Variants in PHLDB2 observed in about 807,000 individuals in gnomAD.
PHLDB2 encodes pleckstrin homology-like domain family B member 2.
A neutral mutation model predicts 123.6 loss-of-function variants in PHLDB2; 71 were observed. The ratio of observed to expected loss-of-function variants is 0.57; its 90% CI spans 0.47 to 0.70. PHLDB2 has a LOEUF of 0.70. PHLDB2 is among the 30% of genes least tolerant of loss of function. PHLDB2 has a pLI of 0.00. For synonymous variants in PHLDB2, 547 were observed against 541.6 expected (o/e 1.01, Z -0.14); for missense variants, 1,446 against 1,519.5 (o/e 0.95, Z 0.80).
intron 1 of PHLDB2, chr3:111,845,800 C>G: frequency 6.2e-7 from 1 of 1,612,112 alleles, no homozygotes; most frequent in South Asian, 1.1e-5. Flanking sequence ...CATGGTACCT[C>G]TCTTTTCTTG....
chr3:111,803,623 G>A (rs1198104572), intron 1 of PHLDB2, among the ~76,000 whole-genome samples: 2 of 152,148 alleles, frequency 1.3e-5, no homozygotes, highest in African/African-American at 4.8e-5. Context: ...ATGAGTGGGA[G>A]GAAATCATGG....
At chr3:111,806,212 G>A (rs1267761997) in intron 1 of PHLDB2, among the ~76,000 whole-genome samples, 1 of 152,056 alleles carries the variant, frequency 6.6e-6, no homozygotes, top group African/African-American at 2.4e-5. Context: ...CATTGTAAGT[G>A]TACAATTATA....
At chr3:111,879,705 A>G (rs1338781073) in intron 1 of PHLDB2, among the ~76,000 whole-genome samples, 1 of 152,142 alleles carries the variant, frequency 6.6e-6, no homozygotes, top group African/African-American at 2.4e-5. Context: ...TATGGGACCA[A>G]TCCTTCTTCA....
intron 1 of PHLDB2, among the ~76,000 whole-genome samples, chr3:111,795,977 A>T (rs1049460469): frequency 6.6e-6 from 1 of 151,854 alleles, no homozygotes; most frequent in African/African-American, 2.4e-5. Flanking sequence ...GCTGACTGCA[A>T]CCTCCGCCCT....
At chr3:111,825,052 A>T (rs2062590072) in intron 1 of PHLDB2, among the ~76,000 whole-genome samples, 1 of 152,238 alleles carries the variant, frequency 6.6e-6, no homozygotes, top group Non-Finnish European at 1.5e-5. Flanking sequence ...TTTCATGGTA[A>T]ACCCCTGAGA....
chr3:111,799,866 C>A (rs1307809969), intron 1 of PHLDB2, among the ~76,000 whole-genome samples: 1 of 151,924 alleles, frequency 6.6e-6, no homozygotes, highest in Non-Finnish European at 1.5e-5. Context: ...CTATAGATAC[C>A]AATATGGGAG....
At chr3:111,956,975 TAA>T (rs1378565953) in intron 12 of PHLDB2, 1 of 152,224 alleles carries the variant, frequency 6.6e-6, no homozygotes, top group African/African-American at 2.4e-5. Context: ...ACAATTAACT[TAA>T]ATACACCTTT....
rs151070436 is a variant in PHLDB2 at position 111,800,896 on chromosome 3, C to T, written c.-48-44925C>T. Among the ~76,000 whole-genome samples the T allele has an allele frequency of 4.6e-4, 70 of 152,158 alleles. 1 individual carries two copies. The East Asian group carries it at 0.013, about 29-fold the overall frequency. ...CAAGGAAGATTTCTAAGAAGTTATG[C>T]CAATTAAGATAAATCTTGAAAAGAT... On this transcript the variant is annotated intron_variant, in intron 1 of 17. Transcript: ENST00000393923.
rs1559858201 is a variant in PHLDB2, at chr3:111,834,213, TAGAATTATATA to T, written c.-48-11607_-48-11597del. ...ATATGTAATAGAATTATATATGTAA[TAGAATTATATA>T]TATATTATGTATATAATAGAATTAT... On this transcript the variant is annotated intron_variant, in intron 1 of 17. Coordinates refer to the PHLDB2 transcript ENST00000393923. Among the ~76,000 whole-genome samples, 377 of 40,502 alleles carry T rather than the reference TAGAATTATATA, an allele frequency of 9.3e-3. 9 individuals are homozygous for T. The highest frequency in any genetic ancestry group is 0.021 in the African/African-American group (213 of 10,032). 26.6% of individuals were successfully genotyped at this position (40,502 alleles called of 152,430 possible). A position where few individuals can be genotyped will look rare whatever the true frequency, so the allele number is the denominator to read the frequency against.
chr3:111,861,364 A>G (rs944945426), intron 1 of PHLDB2, among the ~76,000 whole-genome samples: 1 of 152,246 alleles, frequency 6.6e-6, no homozygotes, highest in Non-Finnish European at 1.5e-5. Flanking sequence ...TAAACATTAC[A>G]TGTACTTAAA....
rs964875744 is a variant in PHLDB2, at chr3:111,973,748, A to G, written c.3552A>G (p.Lys1184=). The G allele has an allele frequency of 3.8e-6, 6 of 1,599,940 alleles. No homozygotes were observed. Among genetic ancestry groups the G allele is most frequent in the Non-Finnish European group, 4.3e-6 (5 of 1,170,712 alleles). Residue 1184 remains lysine, a synonymous_variant, in exon 17 of 18, where the codon AAA becomes AAG. Transcript: ENST00000431670. ...FSYYADKHET[K]LKGVIYFQAI... is the part of the protein sequence containing the mutation. ...TCTTTGCAGACAAGCATGAAACTAA[A>G]TTGAAAGGAGTAATATACTTTCAAG... is the stretch of plus-strand genomic sequence containing the variant.
chr3:111,817,663 C>T (rs940168088), intron 1 of PHLDB2, among the ~76,000 whole-genome samples: 32 of 152,104 alleles, frequency 2.1e-4, no homozygotes, highest in Non-Finnish European at 2.9e-4. Context: ...ATCTCATAGC[C>T]AATTGTACTT....
At chr3:111,737,597 G>A (rs763324238) in intron 1 of PHLDB2, among the ~76,000 whole-genome samples, 11 of 152,042 alleles carry the variant, frequency 7.2e-5, no homozygotes, top group Non-Finnish European at 1.3e-4. Context: ...AAATGAGATT[G>A]TTTTCACATA....
intron 1 of PHLDB2, among the ~76,000 whole-genome samples, chr3:111,746,137 G>A (rs148398572): frequency 8.5e-5 from 13 of 152,336 alleles, no homozygotes; most frequent in Admixed American, 7.8e-4. Context: ...CTTAACATTT[G>A]AGCATCTAGA....
intron 3 of PHLDB2, among the ~76,000 whole-genome samples, chr3:111,918,279 T>C (rs545902997): frequency 2.0e-5 from 3 of 152,192 alleles, no homozygotes; most frequent in East Asian, 1.9e-4. Flanking sequence ...CTCTCACTTG[T>C]TTCTTGACTT....
At chr3:111,880,849 C>T (rs964385646) in intron 1 of PHLDB2, among the ~76,000 whole-genome samples, 1 of 152,322 alleles carries the variant, frequency 6.6e-6, no homozygotes, top group Admixed American at 6.5e-5. Context: ...GGGAACTTAT[C>T]TGCTGCCTCT....
At chr3:111,827,930 T>C (rs2062747484) in intron 1 of PHLDB2, among the ~76,000 whole-genome samples, 1 of 151,996 alleles carries the variant, frequency 6.6e-6, no homozygotes, top group Non-Finnish European at 1.5e-5. Flanking sequence ...CAGAAGGAGA[T>C]AAAAATGTCA....
At chr3:111,769,173 T>TA (rs1417008305) in intron 1 of PHLDB2, among the ~76,000 whole-genome samples, 2 of 152,214 alleles carry the variant, frequency 1.3e-5, no homozygotes, top group Non-Finnish European at 2.9e-5. Context: ...AATATATAAG[T>TA]AACCTCAATA....
chr3:111,966,523 C>G (rs878912315), intron 13 of PHLDB2, 90 bp from the exon 14 acceptor site: 80 of 468,688 alleles, frequency 1.7e-4, no homozygotes, highest in African/African-American at 8.7e-4. Flanking sequence ...GTGTGTGTGT[C>G]TGGGGTGTGT....
Sources: allele counts gnomAD v4.1 joint callset (sites outside exome capture counted in the v4.1 genomes callset), GRCh38; gene constraint gnomAD v4.1.1; transcripts MANE v1.5; gene names NCBI Gene and HGNC (gene_info 2026-07-23, HGNC 2026-07-21).